Variants in DCC observed in about 807,000 individuals in gnomAD.
DCC encodes netrin receptor DCC.
Under a neutral mutation model 172.5 loss-of-function variants are expected in DCC, and 58 were observed. The ratio of observed to expected loss-of-function variants is 0.34; its 90% confidence interval spans 0.27 to 0.42. The LOEUF (loss-of-function observed/expected upper bound fraction) is 0.42. Ranked by LOEUF, DCC falls within the 10% of genes least tolerant of loss-of-function variation. The probability of loss-of-function intolerance (pLI) is 1.00; values close to 1 mark genes in which losing one functional copy is unlikely to be tolerated. For missense variants in DCC, 1,740 were observed against 1,791.0 expected, an observed-to-expected ratio of 0.97 and a Z score of 0.51; for synonymous variants, 709 against 644.5, an observed-to-expected ratio of 1.10 and a Z score of -1.52.
intron 5 of DCC, among the ~76,000 whole-genome samples, chr18:52,989,291 G>A (rs1162965449): frequency 2.0e-5 from 3 of 152,170 alleles, no homozygotes; most frequent in Admixed American, 1.3e-4. Flanking sequence ...GGGAGGCCCA[G>A]GCGGGTGGTT....
At chr18:53,406,430 C>G (rs1226930002) in intron 19 of DCC, among the ~76,000 whole-genome samples, 1 of 140,500 alleles carries the variant, frequency 7.1e-6, no homozygotes, top group Non-Finnish European at 1.6e-5. Flanking sequence ...AGAGGCCAGG[C>G]GTAGTAGCTC....
chr18:52,990,014 T>C (rs768770950), intron 5 of DCC, among the ~76,000 whole-genome samples: 4 of 152,140 alleles, frequency 2.6e-5, no homozygotes, highest in Non-Finnish European at 4.4e-5. Flanking sequence ...GAATATGAAA[T>C]AATTACTGGA....
chr18:52,417,681 G>A (rs972571357), intron 1 of DCC, among the ~76,000 whole-genome samples: 22 of 152,242 alleles, frequency 1.4e-4, no homozygotes, highest in African/African-American at 5.1e-4. Context: ...TGAGGCTTCT[G>A]CATTCTTCAG....
chr18:52,449,062 A>G (rs563669531), intron 1 of DCC, among the ~76,000 whole-genome samples: 1 of 152,376 alleles, frequency 6.6e-6, no homozygotes, highest in African/African-American at 2.4e-5. Flanking sequence ...CAATCATGCC[A>G]GAAGGCAAGA....
intron 12 of DCC, among the ~76,000 whole-genome samples, chr18:53,255,912 G>A (rs2056504844): frequency 6.6e-6 from 1 of 152,112 alleles, no homozygotes; most frequent in African/African-American, 2.4e-5. Flanking sequence ...ATTCTAACTG[G>A]TGTGAGATGG....
At chr18:53,012,031 G>C (rs1214044756) in intron 5 of DCC, among the ~76,000 whole-genome samples, 1 of 151,760 alleles carries the variant, frequency 6.6e-6, no homozygotes, top group Admixed American at 6.6e-5. Flanking sequence ...AAATTAAAAA[G>C]ACTAATAATG....
At chr18:52,566,185 G>A (rs1840376) in intron 1 of DCC, among the ~76,000 whole-genome samples, 5,726 of 152,046 alleles carry the variant, frequency 0.038, 184 homozygotes, top group East Asian at 0.1. Context: ...CTATGCAGCC[G>A]TAAAAAAAGA....
chr18:52,543,207 T>C (rs989304728), intron 1 of DCC, among the ~76,000 whole-genome samples: 7 of 152,200 alleles, frequency 4.6e-5, no homozygotes, highest in African/African-American at 1.7e-4. Flanking sequence ...CTAATAACCA[T>C]ATTCAAAAAG....
chr18:52,969,094 G>A (rs1259766313), intron 5 of DCC, among the ~76,000 whole-genome samples: 2 of 152,024 alleles, frequency 1.3e-5, no homozygotes, highest in South Asian at 4.2e-4. Flanking sequence ...GTTCTCTAGG[G>A]CTCTGCTCTT....
chr18:52,595,071 C>G (rs545500460), intron 1 of DCC, among the ~76,000 whole-genome samples: 5 of 152,138 alleles, frequency 3.3e-5, no homozygotes, highest in Non-Finnish European at 7.3e-5. Flanking sequence ...TGGAATGTAT[C>G]ACTTCCCTCT....
At chr18:53,115,820 TA>T (rs568179936) in intron 7 of DCC, among the ~76,000 whole-genome samples, 1 of 151,810 alleles carries the variant, frequency 6.6e-6, no homozygotes, top group South Asian at 2.1e-4. Flanking sequence ...TGAGATGTTT[TA>T]ATGGGAAGAT....
intron 2 of DCC, among the ~76,000 whole-genome samples, chr18:52,862,559 A>G (rs929254681): frequency 2.6e-5 from 4 of 151,946 alleles, no homozygotes; most frequent in South Asian, 2.1e-4. Flanking sequence ...TTAGCCGGGC[A>G]TGGTGGCACG....
intron 1 of DCC, among the ~76,000 whole-genome samples, chr18:52,353,420 C>G (rs1043757916): frequency 6.6e-6 from 1 of 152,116 alleles, no homozygotes; most frequent in Admixed American, 6.6e-5. Flanking sequence ...AGGCCCTGGG[C>G]CCTCCTCCTC....
chr18:52,797,219 CTCA>C (rs1359216714), intron 2 of DCC, among the ~76,000 whole-genome samples: 1 of 152,044 alleles, frequency 6.6e-6, no homozygotes, highest in Non-Finnish European at 1.5e-5. Context: ...CACTGAATTT[CTCA>C]TCATAAAATT....
At chr18:52,429,827 G>A (rs1255361736) in intron 1 of DCC, among the ~76,000 whole-genome samples, 1 of 152,038 alleles carries the variant, frequency 6.6e-6, no homozygotes, top group African/African-American at 2.4e-5. Flanking sequence ...TTAAAACCTG[G>A]CTCCTCCTTT....
At chr18:52,726,302 C>G (rs2036551270) in intron 1 of DCC, among the ~76,000 whole-genome samples, 1 of 152,148 alleles carries the variant, frequency 6.6e-6, no homozygotes, top group Admixed American at 6.5e-5. Context: ...TATCCTTTCT[C>G]TCTGTAATCC....
rs192733907 is a variant in DCC, at chr18:52,440,093, A to C, written c.91+99215A>C. Among the ~76,000 whole-genome samples the C allele has an allele frequency of 5.9e-5, 9 of 152,304 alleles. No individual in the cohort carries two copies. The East Asian group carries it at 1.5e-3, about 26-fold the overall frequency. ...GACAAAGAAGAGTGGAATAAGAACC[A>C]GAGTTTGCTCTTTCCCATGTGCTGT... On this transcript the variant is annotated intron_variant, in intron 1 of 28. Transcript: ENST00000442544.
At chr18:52,777,497 C>T (rs1307991083) in intron 2 of DCC, among the ~76,000 whole-genome samples, 3 of 152,160 alleles carry the variant, frequency 2.0e-5, no homozygotes, top group Non-Finnish European at 4.4e-5. Context: ...TAGAGCCCAC[C>T]ATGATAGCCC....
intron 2 of DCC, among the ~76,000 whole-genome samples, chr18:52,829,572 A>G (rs1056085146): frequency 3.3e-5 from 5 of 152,208 alleles, no homozygotes; most frequent in African/African-American, 1.2e-4. Flanking sequence ...AGGCAATTCT[A>G]TTACAGTTCA....
Sources: allele counts gnomAD v4.1 joint callset (sites outside exome capture counted in the v4.1 genomes callset), GRCh38; gene constraint gnomAD v4.1.1; transcripts MANE v1.5; gene names NCBI Gene and HGNC (gene_info 2026-07-23, HGNC 2026-07-21).